Variants in USH2A observed in about 807,000 individuals in gnomAD.
USH2A encodes the protein Usher syndrome 2A (autosomal recessive, mild).
A neutral mutation model predicts 538.9 loss-of-function variants in USH2A; 443 were observed. The observed-to-expected ratio is 0.82, with a 90% CI of 0.76 to 0.89. The LOEUF is 0.89. Among genes scored for constraint, USH2A ranks in the 40% least tolerant of loss-of-function variants. The pLI is 0.00. For missense variants in USH2A, 6,633 were observed against 6,324.8 expected (o/e 1.05, Z -1.65); for synonymous variants, 2,413 against 2,273.5 (o/e 1.06, Z -1.75).
chr1:216,024,028 A>G (rs1275797637), intron 32 of USH2A, among the ~76,000 whole-genome samples: 1 of 152,114 alleles, frequency 6.6e-6, no homozygotes, highest in African/African-American at 2.4e-5. Flanking sequence ...GGTACTAGCC[A>G]TATCTGAGTT....
At chr1:215,955,128 A>G (rs996395584) in intron 37 of USH2A, among the ~76,000 whole-genome samples, 3 of 152,096 alleles carry the variant, frequency 2.0e-5, no homozygotes, top group Non-Finnish European at 4.4e-5. Context: ...GTAATTTTAT[A>G]TTTCTATATG....
intron 37 of USH2A, among the ~76,000 whole-genome samples, chr1:215,938,413 G>A (rs960979335): frequency 9.2e-5 from 14 of 152,068 alleles, no homozygotes; most frequent in African/African-American, 2.9e-4. Flanking sequence ...CAATATGGGC[G>A]GGGAGGGGTA....
intron 21 of USH2A, among the ~76,000 whole-genome samples, chr1:216,169,191 T>G (rs1281258658): frequency 2.6e-5 from 4 of 152,148 alleles, no homozygotes; most frequent in Non-Finnish European, 5.9e-5. Flanking sequence ...GTGGTTTATA[T>G]ATCAGGTGAC....
chr1:216,087,073 G>A (rs1026937916), intron 23 of USH2A, among the ~76,000 whole-genome samples: 1 of 152,170 alleles, frequency 6.6e-6, no homozygotes, highest in South Asian at 2.1e-4. Flanking sequence ...AAGTACTCTA[G>A]AGGGATGAAT....
At chr1:216,156,761 A>G (rs1420493077) in intron 21 of USH2A, among the ~76,000 whole-genome samples, 1 of 152,002 alleles carries the variant, frequency 6.6e-6, no homozygotes, top group South Asian at 2.1e-4. Context: ...GAATATACAA[A>G]TTATGCATCT....
intron 64 of USH2A, among the ~76,000 whole-genome samples, chr1:215,652,810 T>C (rs1657122221): frequency 6.6e-6 from 1 of 152,208 alleles, no homozygotes. Context: ...GGTGCAAATA[T>C]TGATATGACG....
intron 21 of USH2A, among the ~76,000 whole-genome samples, chr1:216,147,336 G>A (rs1416903562): frequency 1.4e-4 from 21 of 151,860 alleles, no homozygotes; most frequent in Non-Finnish European, 2.5e-4. Flanking sequence ...TTACAGTTTC[G>A]TTCCGTGACT....
intron 60 of USH2A, among the ~76,000 whole-genome samples, chr1:215,738,884 A>C (rs114484473): frequency 6.6e-6 from 1 of 152,182 alleles, no homozygotes; most frequent in Non-Finnish European, 1.5e-5. Flanking sequence ...CTATAACTAT[A>C]TAAAGGGCTC....
chr1:216,024,257 G>A (rs7531706), intron 32 of USH2A, among the ~76,000 whole-genome samples: 40,997 of 151,942 alleles, frequency 0.27, 6,320 homozygotes, highest in African/African-American at 0.42. Context: ...AAACATGAGT[G>A]AATCACTGGA....
chr1:216,422,795 A>G (rs2039701204), intron 1 of USH2A, among the ~76,000 whole-genome samples: 1 of 151,390 alleles, frequency 6.6e-6, no homozygotes, highest in Non-Finnish European at 1.5e-5. Context: ...AAATATTTAT[A>G]TAATATATGT....
intron 21 of USH2A, among the ~76,000 whole-genome samples, chr1:216,146,393 C>A (rs1210259056): frequency 6.6e-6 from 1 of 152,208 alleles, no homozygotes; most frequent in Non-Finnish European, 1.5e-5. Flanking sequence ...ACTGGGAAGG[C>A]AGCCTTCCCT....
intron 50 of USH2A, among the ~76,000 whole-genome samples, chr1:215,791,576 GA>G (rs2102771243): frequency 6.6e-6 from 1 of 152,234 alleles, no homozygotes; most frequent in South Asian, 2.1e-4. Context: ...TATGATTAAT[GA>G]TATACACTGA....
chr1:216,250,795 T>G (rs1196349935), intron 12 of USH2A, 108 bp downstream of exon 12: 4 of 1,198,518 alleles, frequency 3.3e-6, no homozygotes, highest in Non-Finnish European at 4.8e-6. Context: ...TTTTCCAGCC[T>G]GTCTTGAGCA....
chr1:216,179,815 G>C (rs1271739358), intron 20 of USH2A, among the ~76,000 whole-genome samples: 2 of 152,062 alleles, frequency 1.3e-5, no homozygotes, highest in Non-Finnish European at 2.9e-5. Context: ...TCAAGGAAAA[G>C]GAACTATAGG....
chr1:216,398,866 G>A (rs2039261751), intron 3 of USH2A, among the ~76,000 whole-genome samples: 1 of 152,300 alleles, frequency 6.6e-6, no homozygotes, highest in South Asian at 2.1e-4. Flanking sequence ...TGGTTTTGAT[G>A]AGACCAAATA....
chr1:216,175,500 C>G lies in USH2A; in HGVS notation c.4397-18G>C. The G allele has an allele frequency of 1.2e-6, 2 of 1,612,414 alleles. No individual in the cohort carries two copies. The highest frequency in any genetic ancestry group is 1.7e-6 in the Non-Finnish European group (2 of 1,178,804). On this transcript the variant is annotated intron_variant, in intron 20 of 71. Transcript: ENST00000307340. Reference sequence around the variant, plus strand: ...TGCTGGTGCTAAATATTAGAAAACACCTGTTATATTCAAGAATTTGGTTTC... The same window carrying G: ...TGCTGGTGCTAAATATTAGAAAACAGCTGTTATATTCAAGAATTTGGTTTC...
intron 40 of USH2A, among the ~76,000 whole-genome samples, chr1:215,891,865 C>T (rs1262244763): frequency 6.6e-6 from 1 of 152,080 alleles, no homozygotes; most frequent in Non-Finnish European, 1.5e-5. Flanking sequence ...CAGCGCTCTC[C>T]GTGGGTGTAA....
At position 215,906,448 on chromosome 1, in the gene USH2A, T is replaced by C. The variant is rs80039106; in HGVS notation, c.7301-5543A>G. On this transcript the variant is annotated intron_variant, in intron 38 of 71. Coordinates refer to ENST00000307340, the MANE Select transcript of USH2A (RefSeq NM_206933.4). Reference sequence around the variant, plus strand: ...GATGTAACTGGCACACTGAGGATTCTAACATGGGCCGTTTAAGTTCAAAGG... The same window carrying C: ...GATGTAACTGGCACACTGAGGATTCCAACATGGGCCGTTTAAGTTCAAAGG... Among the ~76,000 whole-genome samples, 1,152 of 152,126 alleles carry C rather than the reference T, an allele frequency of 7.6e-3. 15 individuals carry two copies. Among genetic ancestry groups the C allele is most frequent in the African/African-American group, 0.026 (1,086 of 41,524 alleles).
intron 43 of USH2A, 136 bp downstream of exon 43, chr1:215,877,622 A>G (rs1402951772): frequency 8.2e-6 from 11 of 1,349,368 alleles, no homozygotes; most frequent in African/African-American, 7.2e-5. Flanking sequence ...GATTAATGCC[A>G]CAGATAATAA....
Sources: allele counts gnomAD v4.1 joint callset (sites outside exome capture counted in the v4.1 genomes callset), GRCh38; gene constraint gnomAD v4.1.1; transcripts MANE v1.5; gene names NCBI Gene and HGNC (gene_info 2026-07-23, HGNC 2026-07-21).